PRELID2: variants seen among roughly 807,000 people sequenced by gnomAD.
PRELID2 encodes PRELI domain-containing protein 2.
In PRELID2, 25 loss-of-function variants were observed where a neutral mutation model predicts 28.4. The observed-to-expected ratio is 0.88, with a 90% confidence interval of 0.64 to 1.23. PRELID2 has a LOEUF of 1.23. Ranked by LOEUF, PRELID2 falls within the 50% of genes most tolerant of loss-of-function variation. The probability of loss-of-function intolerance (pLI) is 0.00; values close to 1 mark genes in which losing one functional copy is unlikely to be tolerated. For missense variants in PRELID2, 201 were observed against 214.4 expected, an observed-to-expected ratio of 0.94 and a Z score of 0.39; for synonymous variants, 76 against 71.6, an observed-to-expected ratio of 1.06 and a Z score of -0.31.
At chr5:145,403,028 C>T in the PRELID2 span, among the ~76,000 whole-genome samples, 1 of 152,140 alleles carries the variant, frequency 6.6e-6, no homozygotes, top group Admixed American at 6.5e-5. Context: ...GGACCCACTT[C>T]CTTGAGCCAC....
intron 1 of PRELID2, among the ~76,000 whole-genome samples, chr5:145,708,232 C>A (rs1468422076): frequency 6.6e-6 from 1 of 151,228 alleles, no homozygotes; most frequent in African/African-American, 2.4e-5. Flanking sequence ...CCTAAAGAAG[C>A]AGTCTCATCA....
chr5:145,638,511 C>T (rs946681754), intron 1 of PRELID2, among the ~76,000 whole-genome samples: 4 of 152,260 alleles, frequency 2.6e-5, no homozygotes, highest in South Asian at 2.1e-4. Flanking sequence ...CTTACCCTTG[C>T]TATTCAATGC....
chr5:145,586,103 A>G (rs1478359787), intron 1 of PRELID2, among the ~76,000 whole-genome samples: 1 of 152,134 alleles, frequency 6.6e-6, no homozygotes, highest in East Asian at 1.9e-4. Flanking sequence ...CAGATTTCTT[A>G]TAAGAAAAAG....
chr5:145,668,958 G>A (rs1289056309), intron 1 of PRELID2, among the ~76,000 whole-genome samples: 2 of 152,028 alleles, frequency 1.3e-5, no homozygotes, highest in Non-Finnish European at 2.9e-5. Context: ...CCTTTCACAG[G>A]CTGCAGCGGT....
At chr5:145,319,619 C>T in the PRELID2 span, among the ~76,000 whole-genome samples, 5 of 151,650 alleles carry the variant, frequency 3.3e-5, no homozygotes, top group Middle Eastern at 3.2e-3. Context: ...TGCAGTGAGC[C>T]GAATTCGTGC....
At chr5:145,430,005 T>C in the PRELID2 span, 1 of 152,298 alleles carries the variant, frequency 6.6e-6, no homozygotes, top group African/African-American at 2.4e-5. Context: ...GGCCAGTCTG[T>C]ATTACCTGAA....
intron 1 of PRELID2, among the ~76,000 whole-genome samples, chr5:145,480,797 A>G (rs1280682696): frequency 6.6e-6 from 1 of 152,208 alleles, no homozygotes; most frequent in Non-Finnish European, 1.5e-5. Context: ...TCTGATTTCA[A>G]CTTGATTTTA....
At chr5:145,419,426 C>T in the PRELID2 span, among the ~76,000 whole-genome samples, 1 of 126,766 alleles carries the variant, frequency 7.9e-6, no homozygotes, top group African/African-American at 3.0e-5. Flanking sequence ...GCCATTCTAA[C>T]TGGTGTGAGA....
chr5:145,415,965 T>C, the PRELID2 span, among the ~76,000 whole-genome samples: 1 of 152,234 alleles, frequency 6.6e-6, no homozygotes, highest in African/African-American at 2.4e-5. Flanking sequence ...TTTTTAATGA[T>C]TGCCATTCTA....
At chr5:145,239,180 A>C in the PRELID2 span, among the ~76,000 whole-genome samples, 1 of 152,088 alleles carries the variant, frequency 6.6e-6, no homozygotes. Flanking sequence ...CTATCTCATT[A>C]AATGTTTATG....
At chr5:145,442,174 T>C in the PRELID2 span, among the ~76,000 whole-genome samples, 5 of 152,130 alleles carry the variant, frequency 3.3e-5, no homozygotes, top group Non-Finnish European at 7.4e-5. Flanking sequence ...GTCCATTTTA[T>C]ACAATCCTGA....
chr5:145,341,896 A>G, the PRELID2 span, among the ~76,000 whole-genome samples: 2 of 152,214 alleles, frequency 1.3e-5, no homozygotes, highest in Non-Finnish European at 2.9e-5. Flanking sequence ...TTTCCCATAC[A>G]GGTGGCTCAG....
chr5:145,821,152 G>GGTGTGTGAGTGTGTGTGTGTGTGTGT (rs1754765992), intron 2 of PRELID2, among the ~76,000 whole-genome samples: 1 of 88,192 alleles, frequency 1.1e-5, no homozygotes, highest in Non-Finnish European at 2.5e-5. Flanking sequence ...AACTCTCCTG[G>GGTGTGTGAGTGTGTGTGTGTGTGTGT]GTGTGTGTGT....
At chr5:145,379,683 A>G in the PRELID2 span, among the ~76,000 whole-genome samples, 2 of 152,160 alleles carry the variant, frequency 1.3e-5, no homozygotes, top group East Asian at 1.9e-4. Context: ...CCACACAGAC[A>G]TACAGACAGC....
At chr5:145,531,049 G>A (rs190231450) in intron 1 of PRELID2, among the ~76,000 whole-genome samples, 12 of 152,190 alleles carry the variant, frequency 7.9e-5, no homozygotes, top group Admixed American at 1.3e-4. Flanking sequence ...TGAAGCCTTG[G>A]GCTTTAATTC....
chr5:145,414,174 C>A, the PRELID2 span, among the ~76,000 whole-genome samples: 3 of 152,036 alleles, frequency 2.0e-5, no homozygotes, highest in Non-Finnish European at 4.4e-5. Context: ...GTCAAGCAAC[C>A]GGTAGAGAAC....
chr5:145,458,086 A>G, the PRELID2 span, among the ~76,000 whole-genome samples: 1 of 152,228 alleles, frequency 6.6e-6, no homozygotes, highest in South Asian at 2.1e-4. Context: ...CTATCACTCT[A>G]CTAACACCAC....
intron 1 of PRELID2, among the ~76,000 whole-genome samples, chr5:145,528,029 C>T (rs1475632038): frequency 6.6e-6 from 1 of 152,056 alleles, no homozygotes; most frequent in African/African-American, 2.4e-5. Context: ...TCCCAGCGAC[C>T]ACCTATCACC....
chr5:145,321,742 T>A, the PRELID2 span, among the ~76,000 whole-genome samples: 1 of 152,208 alleles, frequency 6.6e-6, no homozygotes, highest in African/African-American at 2.4e-5. Context: ...AGCTTTTGTC[T>A]GAAGGGAGAA....
Sources: gnomAD v4.1 joint callset for allele counts (sites outside exome capture counted in the v4.1 genomes callset) on GRCh38, gnomAD v4.1.1 for gene constraint, MANE v1.5 for transcripts, NCBI Gene and HGNC (gene_info 2026-07-23, HGNC 2026-07-21) for gene names.